The following ADGRB3 variants were observed in gnomAD, a reference collection of about 807,000 sequenced individuals.
ADGRB3 encodes the protein adhesion G protein-coupled receptor B3.
A neutral mutation model predicts 193.4 loss-of-function variants in ADGRB3; 37 were observed. The observed-to-expected ratio is 0.19, with a 90% CI of 0.15 to 0.25. The LOEUF is 0.25. Among genes scored for constraint, ADGRB3 ranks in the 10% least tolerant of loss-of-function variants. The probability of loss-of-function intolerance (pLI) is 1.00; values close to 1 mark genes in which losing one functional copy is unlikely to be tolerated. For missense variants in ADGRB3, 1,637 were observed against 1,852.9 expected, an observed-to-expected ratio of 0.88 and a Z score of 2.14; for synonymous variants, 690 against 644.2, an observed-to-expected ratio of 1.07 and a Z score of -1.08.
intron 23 of ADGRB3, chr6:69,331,736 T>C: frequency 3.0e-6 from 3 of 985,184 alleles, no homozygotes; most frequent in South Asian, 4.7e-5. Flanking sequence ...AACACTAAAA[T>C]GAAGAAACAC....
In ADGRB3 at chr6:69,361,056, T is replaced by C; in HGVS notation, c.3783T>C (p.Ser1261=). 1.2e-6 allele frequency: 2 copies of C among 1,612,814 alleles called. No homozygotes were observed. Among genetic ancestry groups the C allele is most frequent in the Non-Finnish European group, 8.5e-7 (1 of 1,179,226 alleles). ...CCACAGGTTTGCACATGCCCATGAG[T>C]ATGAATGAGCTTAGCAATCCATGTT... ...QQPTGLHMPM[S]MNELSNPCLK... Residue 1261 remains serine (S), a synonymous_variant, in exon 29 of 32, where the codon AGT becomes AGC. Transcript: ENST00000370598.
At chr6:69,302,114 C>T (rs1767960346) in intron 20 of ADGRB3, among the ~76,000 whole-genome samples, 1 of 151,788 alleles carries the variant, frequency 6.6e-6, no homozygotes. Context: ...AGAATATCTG[C>T]CTGAACAGGT....
intron 3 of ADGRB3, among the ~76,000 whole-genome samples, chr6:68,749,408 ATGTGTG>A (rs60078030): frequency 0.014 from 1,917 of 136,554 alleles, 12 homozygotes; most frequent in Non-Finnish European, 0.021. Flanking sequence ...ATATATATAT[ATGTGTG>A]TGTGTGTGTG....
At chr6:68,823,135 T>A (rs980139163) in intron 3 of ADGRB3, among the ~76,000 whole-genome samples, 2 of 151,994 alleles carry the variant, frequency 1.3e-5, no homozygotes, top group Non-Finnish European at 2.9e-5. Flanking sequence ...GTACTAATAA[T>A]GTTAATTGAA....
rs571019082 is a variant in ADGRB3, at chr6:68,948,431, C to T, written c.1195+4437C>T. On this transcript the variant is annotated intron_variant, in intron 6 of 31. Transcript: ENST00000370598. ...TTAATATTTAACAGGAGAAAAGTGTCGCACATAATGGAAAGTTGCATTTTC... is the reference window on the plus strand; with the variant it reads ...TTAATATTTAACAGGAGAAAAGTGTTGCACATAATGGAAAGTTGCATTTTC... 2.6e-5 allele frequency among the ~76,000 whole-genome samples: 4 copies of T among 152,018 alleles called. No individual in the cohort carries two copies. In the South Asian group the frequency reaches 6.2e-4, roughly 24 times the overall value.
chr6:69,372,563 A>G (rs1225461576), intron 30 of ADGRB3, 122 bp downstream of exon 30: 1 of 413,234 alleles, frequency 2.4e-6, no homozygotes, highest in East Asian at 4.2e-5. Flanking sequence ...TTAATTAAAT[A>G]AGTCAAACAT....
intron 3 of ADGRB3, among the ~76,000 whole-genome samples, chr6:68,877,925 T>C (rs989870625): frequency 6.6e-6 from 1 of 152,102 alleles, no homozygotes; most frequent in Non-Finnish European, 1.5e-5. Flanking sequence ...ACTAGCCAAG[T>C]ACCTAATCAA....
intron 3 of ADGRB3, among the ~76,000 whole-genome samples, chr6:68,825,759 T>C (rs1767831317): frequency 1.3e-5 from 2 of 152,224 alleles, no homozygotes; most frequent in Admixed American, 1.3e-4. Flanking sequence ...TTCTTCCTCC[T>C]GCTGCCTTGT....
At chr6:69,301,208 C>T (rs1767943023) in intron 20 of ADGRB3, among the ~76,000 whole-genome samples, 1 of 151,682 alleles carries the variant, frequency 6.6e-6, no homozygotes, top group Admixed American at 6.6e-5. Context: ...ATGTTATCAC[C>T]TCCTGCCATA....
intron 15 of ADGRB3, among the ~76,000 whole-genome samples, chr6:69,062,707 C>T (rs1771784342): frequency 6.6e-6 from 1 of 151,954 alleles, no homozygotes; most frequent in Non-Finnish European, 1.5e-5. Flanking sequence ...GTTGCTTTCT[C>T]ATATTTTCTG....
In ADGRB3 at chr6:69,272,678, A is replaced by G. The variant is rs571166671; in HGVS notation, c.2814+33452A>G. Among the ~76,000 whole-genome samples the G allele has an allele frequency of 2.0e-5, 3 of 152,266 alleles. No homozygotes were observed. In the East Asian group the frequency reaches 5.8e-4, roughly 29 times the overall value. Reference sequence around the variant, plus strand: ...TAAAATGTGAGGAATGAATTAGAATAAGGAGAGATTAGGGATAGAGAAACA... The same window carrying G: ...TAAAATGTGAGGAATGAATTAGAATGAGGAGAGATTAGGGATAGAGAAACA... On this transcript the variant is annotated intron_variant, in intron 20 of 31. Coordinates refer to ENST00000370598, the MANE Select transcript of ADGRB3 (RefSeq NM_001704.3).
intron 20 of ADGRB3, among the ~76,000 whole-genome samples, chr6:69,291,422 G>A (rs1187760687): frequency 6.6e-6 from 1 of 152,112 alleles, no homozygotes; most frequent in African/African-American, 2.4e-5. Context: ...CACTGAAAAT[G>A]TATAACAACC....
At chr6:69,021,494 G>A (rs1250830182) in intron 13 of ADGRB3, among the ~76,000 whole-genome samples, 2 of 151,876 alleles carry the variant, frequency 1.3e-5, no homozygotes, top group African/African-American at 2.4e-5. Flanking sequence ...TGGGTTGGAA[G>A]CAGAAGCAGT....
At chr6:69,181,036 C>G (rs544926324) in intron 17 of ADGRB3, among the ~76,000 whole-genome samples, 8 of 152,270 alleles carry the variant, frequency 5.3e-5, no homozygotes, top group African/African-American at 1.9e-4. Context: ...TACTGGGTTG[C>G]TCAGATCCCC....
intron 3 of ADGRB3, among the ~76,000 whole-genome samples, chr6:68,699,087 T>G (rs954358059): frequency 2.0e-5 from 3 of 152,128 alleles, no homozygotes; most frequent in Admixed American, 2.0e-4. Flanking sequence ...AAACATTCCC[T>G]TAGCTTCTAC....
intron 13 of ADGRB3, among the ~76,000 whole-genome samples, chr6:69,031,016 T>TTTTCTTTTC (rs1491515366): frequency 3.3e-5 from 2 of 61,232 alleles, no homozygotes; most frequent in Non-Finnish European, 6.7e-5. Context: ...TTTTCTTTTC[T>TTTTCTTTTC]TTTTTTTTTC....
At chr6:68,757,349 G>A (rs1766316139) in intron 3 of ADGRB3, among the ~76,000 whole-genome samples, 1 of 152,046 alleles carries the variant, frequency 6.6e-6, no homozygotes, top group Non-Finnish European at 1.5e-5. Context: ...ACTTTGAAAC[G>A]AGATTGATTT....
intron 3 of ADGRB3, among the ~76,000 whole-genome samples, chr6:68,648,752 G>C (rs1768277544): frequency 6.9e-6 from 1 of 145,468 alleles, no homozygotes; most frequent in Non-Finnish European, 1.5e-5. Context: ...CATTTCTCCT[G>C]GTGTTCCTTC....
At chr6:68,749,408 A>G (rs866234968) in intron 3 of ADGRB3, among the ~76,000 whole-genome samples, 1,391 of 136,546 alleles carry the variant, frequency 0.01, 19 homozygotes, top group African/African-American at 0.03. Context: ...ATATATATAT[A>G]TGTGTGTGTG....
Sources: gnomAD v4.1 joint callset for allele counts (sites outside exome capture counted in the v4.1 genomes callset) on GRCh38, gnomAD v4.1.1 for gene constraint, MANE v1.5 for transcripts, NCBI Gene and HGNC (gene_info 2026-07-23, HGNC 2026-07-21) for gene names.